The following AVEN variants were observed in gnomAD, a reference collection of about 807,000 sequenced individuals.
The protein encoded by AVEN is apoptosis and caspase activation inhibitor, also known as cell death regulator Aven.
Under a neutral mutation model 38.1 loss-of-function variants are expected in AVEN, and 41 were observed. The ratio of observed to expected loss-of-function variants is 1.08; its 90% confidence interval spans 0.84 to 1.40. The LOEUF (loss-of-function observed/expected upper bound fraction) is 1.40, where lower values mean the gene tolerates loss of function less well. Ranked by LOEUF, AVEN falls within the 40% of genes most tolerant of loss-of-function variation. The probability of loss-of-function intolerance (pLI) is 0.00; values close to 1 mark genes in which losing one functional copy is unlikely to be tolerated. For synonymous variants in AVEN, 206 were observed against 171.8 expected, an observed-to-expected ratio of 1.20 and a Z score of -1.56; for missense variants, 605 against 438.8, an observed-to-expected ratio of 1.38 and a Z score of -3.38.
chr15:33,987,062 C>T (rs969603436), intron 2 of AVEN, among the ~76,000 whole-genome samples: 1 of 152,204 alleles, frequency 6.6e-6, no homozygotes. Flanking sequence ...ATCCTCACCA[C>T]TCAATGCCTC....
At position 33,867,600 on chromosome 15, in the gene AVEN, G is replaced by T. The variant is rs1252538159; in HGVS notation, c.868C>A (p.Leu290Ile). The change falls in exon 5 of 6, where the codon CTT becomes ATT. Residue 290 changes from leucine to isoleucine, a missense_variant. Transcript: ENST00000306730. ...DHLEEELDLL[L>I]NLDAPIKEGD... Reference sequence around the variant, plus strand: ...TCTTTTATAGGTGCATCTAAATTAAGCAACAGATCTAGTTCTTCTTCCAAA... The same window carrying T: ...TCTTTTATAGGTGCATCTAAATTAATCAACAGATCTAGTTCTTCTTCCAAA... 6.2e-7 allele frequency: 1 copy of T among 1,614,188 alleles called. No homozygotes were observed. Among genetic ancestry groups the T allele is most frequent in the East Asian group, 2.2e-5 (1 of 44,878 alleles).
At chr15:33,860,972 TAGAA>T (rs373518216) in intron 11 of AVEN, 19 of 918,862 alleles carry the variant, frequency 2.1e-5, no homozygotes, top group Middle Eastern at 2.1e-4. Context: ...CCAAAAGCAT[TAGAA>T]AGAAAGTTTT....
At chr15:33,939,158 C>G (rs773932763) in intron 2 of AVEN, among the ~76,000 whole-genome samples, 1 of 152,136 alleles carries the variant, frequency 6.6e-6, no homozygotes, top group Non-Finnish European at 1.5e-5. Flanking sequence ...TTTCTTTCAA[C>G]GGCACTGCCA....
chr15:33,932,838 C>CAAATAAATAAATAAAT (rs542804184), intron 2 of AVEN, among the ~76,000 whole-genome samples: 49 of 147,092 alleles, frequency 3.3e-4, no homozygotes, highest in Middle Eastern at 3.5e-3. Context: ...AATAAACAAA[C>CAAATAAATAAATAAAT]AAATAAATAA....
intron 2 of AVEN, among the ~76,000 whole-genome samples, chr15:33,972,744 A>G (rs603479): frequency 0.85 from 129,606 of 152,206 alleles, 57,972 homozygotes; most frequent in Non-Finnish European, 0.98. Flanking sequence ...AGTAGCCAAA[A>G]GACAAAGCAG....
chr15:34,055,197 A>G (rs921308675), intron 5 of AVEN, among the ~76,000 whole-genome samples: 10 of 151,692 alleles, frequency 6.6e-5, no homozygotes, highest in African/African-American at 2.4e-4. Flanking sequence ...CGTCTCAAAA[A>G]AAAAAAAGTA....
At chr15:33,920,729 T>A (rs2153047842) in intron 2 of AVEN, among the ~76,000 whole-genome samples, 1 of 152,296 alleles carries the variant, frequency 6.6e-6, no homozygotes, top group East Asian at 1.9e-4. Context: ...GGCAAGTACA[T>A]AAAAGACACT....
chr15:33,856,654 G>T (rs8033164), downstream of AVEN: 6,906 of 49,256 alleles, frequency 0.14, 262 homozygotes, highest in Non-Finnish European at 0.14. Flanking sequence ...TGGGTTTTTT[G>T]TTTGTTTGTT....
At chr15:33,925,305 C>A (rs930601305) in intron 2 of AVEN, among the ~76,000 whole-genome samples, 1 of 152,186 alleles carries the variant, frequency 6.6e-6, no homozygotes, top group Non-Finnish European at 1.5e-5. Flanking sequence ...TCTACCCCAA[C>A]CTCCCTCTGA....
At chr15:33,980,338 A>T (rs968849962) in intron 2 of AVEN, among the ~76,000 whole-genome samples, 1 of 152,192 alleles carries the variant, frequency 6.6e-6, no homozygotes, top group Non-Finnish European at 1.5e-5. Context: ...TAATGTCTTA[A>T]CTTGACAAGA....
intron 2 of AVEN, among the ~76,000 whole-genome samples, chr15:33,974,045 A>G (rs559558276): frequency 6.6e-6 from 1 of 152,334 alleles, no homozygotes; most frequent in South Asian, 2.1e-4. Flanking sequence ...TAGGGATAGT[A>G]TATGATATTA....
chr15:34,056,681 ATGAT>A (rs1261685814), intron 5 of AVEN, among the ~76,000 whole-genome samples: 3 of 152,128 alleles, frequency 2.0e-5, no homozygotes, highest in African/African-American at 7.2e-5. Flanking sequence ...TTCTGCTTGA[ATGAT>A]TGGGAGCAGT....
At chr15:33,891,699 T>C (rs1891977729) in intron 2 of AVEN, among the ~76,000 whole-genome samples, 1 of 152,216 alleles carries the variant, frequency 6.6e-6, no homozygotes, top group African/African-American at 2.4e-5. Flanking sequence ...TAGGTGTGCA[T>C]GTGTCTTTAT....
At chr15:34,059,832 A>G (rs1356676593) in intron 5 of AVEN, among the ~76,000 whole-genome samples, 2 of 152,208 alleles carry the variant, frequency 1.3e-5, no homozygotes, top group African/African-American at 2.4e-5. Flanking sequence ...AGGTGCCCCT[A>G]TGGCATGTTG....
intron 5 of AVEN, among the ~76,000 whole-genome samples, chr15:34,049,888 C>CTTTTTT (rs61235689): frequency 7.3e-6 from 1 of 137,100 alleles, no homozygotes; most frequent in African/African-American, 2.7e-5. Flanking sequence ...TCAACATCAA[C>CTTTTTT]TTTTTTTTTT....
chr15:33,989,226 C>T (rs953058309), intron 2 of AVEN, among the ~76,000 whole-genome samples: 1 of 151,986 alleles, frequency 6.6e-6, no homozygotes, highest in Non-Finnish European at 1.5e-5. Context: ...TATGTTAGTA[C>T]CATGCTTGGA....
At chr15:33,895,353 C>T (rs1892191637) in intron 2 of AVEN, among the ~76,000 whole-genome samples, 1 of 150,498 alleles carries the variant, frequency 6.6e-6, no homozygotes, top group South Asian at 2.1e-4. Context: ...AGAGACAGGG[C>T]CCCACTCTAT....
chr15:33,983,128 C>G (rs1458914947), intron 2 of AVEN, among the ~76,000 whole-genome samples: 1 of 135,266 alleles, frequency 7.4e-6, no homozygotes. Context: ...TGTCCATACT[C>G]TGTGTGTGTG....
At chr15:33,931,581 A>G (rs1442380716) in intron 2 of AVEN, among the ~76,000 whole-genome samples, 3 of 152,060 alleles carry the variant, frequency 2.0e-5, no homozygotes, top group South Asian at 2.1e-4. Flanking sequence ...TGTGTTAGCC[A>G]GGATGGTCTT....
Sources: gnomAD v4.1 joint callset for allele counts (sites outside exome capture counted in the v4.1 genomes callset) on GRCh38, gnomAD v4.1.1 for gene constraint, MANE v1.5 for transcripts, NCBI Gene and HGNC (gene_info 2026-07-23, HGNC 2026-07-21) for gene names.